TNS1: variants seen among roughly 807,000 people sequenced by gnomAD.
The protein encoded by TNS1 is tensin-1.
In TNS1, 62 loss-of-function variants were observed where a neutral mutation model predicts 168.6. That is an observed-to-expected ratio of 0.37 (90% CI 0.30 to 0.45). TNS1 has a LOEUF of 0.45. Among genes scored for constraint, TNS1 ranks in the 20% least tolerant of loss-of-function variants. The probability of loss-of-function intolerance (pLI) is 1.00; values close to 1 mark genes in which losing one functional copy is unlikely to be tolerated. For missense variants in TNS1, 2,240 were observed against 2,339.4 expected (o/e 0.96, Z 0.88); for synonymous variants, 934 against 933.2 (o/e 1.00, Z -0.02).
In TNS1 at chr2:218,033,966, T is replaced by G. The variant is rs1350579813; in HGVS notation, c.10A>C (p.Thr4Pro). Among the ~76,000 whole-genome samples, 1 of 152,162 alleles carries G rather than the reference T, an allele frequency of 6.6e-6. No homozygotes were observed. The highest frequency in any genetic ancestry group is 1.9e-4 in the East Asian group (1 of 5,176). Residue 4 changes from threonine to proline, a missense_variant, in exon 1 of 2, where the codon ACT becomes CCT. Thr to Pro is a conservative substitution (Grantham distance 38). Coordinates refer to the TNS1 transcript ENST00000649572. The surrounding 1 kb of genome is among the most constrained non-coding windows in gnomAD (Gnocchi z 4.3). ...TCTTCGCAGCACACCAGGCTCACAG[T>G]GCAGCCCATCCGGCCTGGCGCCCCG...
At chr2:217,829,757 G>T (rs1196612854) in intron 22 of TNS1, 8 of 1,510,666 alleles carry the variant, frequency 5.3e-6, no homozygotes, top group Non-Finnish European at 7.3e-6. Context: ...AGGAAAGAGA[G>T]CTGCCTCCAG....
chr2:217,820,257 G>T (rs1049707183), intron 23 of TNS1, among the ~76,000 whole-genome samples: 3 of 152,178 alleles, frequency 2.0e-5, no homozygotes, highest in Non-Finnish European at 4.4e-5. Flanking sequence ...GAGAAACAAT[G>T]AACAACTTCC....
chr2:217,863,166 G>T (rs1451301167), intron 18 of TNS1, among the ~76,000 whole-genome samples: 7 of 152,160 alleles, frequency 4.6e-5, no homozygotes, highest in Admixed American at 1.3e-4. Context: ...TGAGTGCTTT[G>T]GTTTCCAAGC....
intron 3 of TNS1, among the ~76,000 whole-genome samples, chr2:217,947,829 C>A (rs1258592042): frequency 6.6e-6 from 1 of 152,174 alleles, no homozygotes; most frequent in Non-Finnish European, 1.5e-5. Context: ...CCAGAGATGC[C>A]TTCATTTGTT....
intron 3 of TNS1, among the ~76,000 whole-genome samples, chr2:217,954,105 T>C (rs1957304733): frequency 6.6e-6 from 1 of 152,144 alleles, no homozygotes; most frequent in Non-Finnish European, 1.5e-5. Flanking sequence ...CCCGCCAGGC[T>C]CTCCTTGTCT....
At chr2:218,007,535 C>T (rs577038284), upstream of TNS1, among the ~76,000 whole-genome samples, 3 of 111,070 alleles carry the variant, frequency 2.7e-5, no homozygotes, top group Non-Finnish European at 5.2e-5. Flanking sequence ...TCTCTCCACT[C>T]GCCTAAGGGC....
At chr2:217,860,088 T>C (rs1347991968) in intron 18 of TNS1, among the ~76,000 whole-genome samples, 2 of 152,142 alleles carry the variant, frequency 1.3e-5, no homozygotes, top group African/African-American at 4.8e-5. Flanking sequence ...TGCCCTGAGC[T>C]ATGGCTACCC....
intron 1 of TNS1, among the ~76,000 whole-genome samples, chr2:217,999,923 A>G (rs1232337926): frequency 6.6e-6 from 1 of 152,208 alleles, no homozygotes; most frequent in African/African-American, 2.4e-5. Context: ...GCAGAGCCAA[A>G]GCTGCACTTG....
intron 18 of TNS1, among the ~76,000 whole-genome samples, chr2:217,866,027 C>T (rs1203469438): frequency 6.6e-6 from 1 of 152,134 alleles, no homozygotes; most frequent in Non-Finnish European, 1.5e-5. Context: ...AAAATCTAGT[C>T]CTGGCACCTG....
At chr2:217,982,972 C>A (rs1958092632) in intron 2 of TNS1, among the ~76,000 whole-genome samples, 1 of 152,098 alleles carries the variant, frequency 6.6e-6, no homozygotes, top group Non-Finnish European at 1.5e-5. Context: ...CTGTAACAGC[C>A]CGACTAAGAC....
intron 22 of TNS1, among the ~76,000 whole-genome samples, chr2:217,824,461 C>G (rs1198427360): frequency 6.6e-6 from 1 of 152,146 alleles, no homozygotes; most frequent in Non-Finnish European, 1.5e-5. Flanking sequence ...AAAGAGCAAA[C>G]AATTATACAG....
Position 217,890,977 on chromosome 2 carries a change from T to C in TNS1, c.851A>G (p.Gln284Arg), listed in dbSNP as rs965169426. 3.1e-6 allele frequency: 5 copies of C among 1,614,128 alleles called. No individual in the cohort carries two copies. Among genetic ancestry groups the C allele is most frequent in the Non-Finnish European group, 4.2e-6 (5 of 1,180,058 alleles). Residue 284 changes from glutamine to arginine, a missense_variant, in exon 12 of 33, where the codon CAG becomes CGG. Around this residue, in one of 2 missense-constraint regions of TNS1, gnomAD observed 2,131 missense variants for 2,171.2 expected, o/e 0.98. Transcript: ENST00000682258. ...AGAGACCCACCTTCTTTGGGATGGC[T>C]GGCCAATGGGCACAATCTTATCCTC... Reference protein sequence around the residue: ...FYEDKIVPIGQPSQRRYVHYF... With the variant: ...FYEDKIVPIGRPSQRRYVHYF...
intron 10 of TNS1, 64 bp from the exon 11 acceptor site, chr2:217,893,076 T>C (rs1951900096): frequency 1.1e-5 from 17 of 1,591,512 alleles, no homozygotes; most frequent in Non-Finnish European, 1.5e-5. Flanking sequence ...CCAGAGCTTA[T>C]CTAGAAGCCT....
At position 217,803,400 on chromosome 2, in the gene TNS1, A is replaced by T. The variant is rs1246004094; in HGVS notation, c.*1059T>A. The T allele has an allele frequency of 6.6e-6, 1 of 152,242 alleles. No homozygotes were observed. The highest frequency in any genetic ancestry group is 6.5e-5 in the Admixed American group (1 of 15,284). 9.4% of individuals were successfully genotyped at this position (152,242 alleles called of 1,614,324 possible). A position where few individuals can be genotyped will look rare whatever the true frequency, so the allele number is the denominator to read the frequency against. Reference sequence around the variant, plus strand: ...CATGAAACCCAATAACAAGGCTGAGAGGTGGGAGCTAAGGCAGAGTCCAGG... The same window carrying T: ...CATGAAACCCAATAACAAGGCTGAGTGGTGGGAGCTAAGGCAGAGTCCAGG... On this transcript the variant is annotated 3_prime_UTR_variant, in exon 33 of 33. Coordinates refer to ENST00000682258, the MANE Select transcript of TNS1 (RefSeq NM_001387777.1).
chr2:217,949,054 C>T (rs1430592014), intron 3 of TNS1, among the ~76,000 whole-genome samples: 1 of 152,164 alleles, frequency 6.6e-6, no homozygotes, highest in East Asian at 1.9e-4. Context: ...CTCCTCTCAC[C>T]CTGCCTGTTT....
chr2:217,963,306 C>T (rs375548578), intron 3 of TNS1, among the ~76,000 whole-genome samples: 182 of 152,312 alleles, frequency 1.2e-3, no homozygotes, highest in African/African-American at 4.0e-3. Context: ...GGTGCTCCGG[C>T]ACGGGGTCAT....
chr2:217,946,665 C>T (rs894414086), intron 3 of TNS1, among the ~76,000 whole-genome samples: 1 of 152,016 alleles, frequency 6.6e-6, no homozygotes, highest in African/African-American at 2.4e-5. Flanking sequence ...GGAGACGGGG[C>T]GACCTGGAAG....
chr2:217,882,079 A>G (rs1313424249), intron 17 of TNS1: 1 of 336,592 alleles, frequency 3.0e-6, no homozygotes, highest in Non-Finnish European at 5.3e-6. Context: ...CAGTCTCTGA[A>G]TATAACAGGC....
chr2:217,828,023 T>C (rs1943859559), intron 22 of TNS1, among the ~76,000 whole-genome samples: 1 of 152,228 alleles, frequency 6.6e-6, no homozygotes, highest in Admixed American at 6.5e-5. Flanking sequence ...TATTGCGTGG[T>C]CCGGCATCTG....
Sources: allele counts gnomAD v4.1 joint callset (sites outside exome capture counted in the v4.1 genomes callset), GRCh38; gene constraint gnomAD v4.1.1; regional missense constraint gnomAD v4.1.1; non-coding constraint Gnocchi (gnomAD v3.1); transcripts MANE v1.5; gene names NCBI Gene and HGNC (gene_info 2026-07-23, HGNC 2026-07-21).